Variants in L3MBTL4 observed in about 807,000 individuals in gnomAD.
L3MBTL4 encodes lethal(3)malignant brain tumor-like protein 4.
In L3MBTL4, 70 loss-of-function variants were observed where a neutral mutation model predicts 84.5. The observed-to-expected ratio is 0.83, with a 90% CI of 0.68 to 1.01. L3MBTL4 has a LOEUF of 1.01. Among genes scored for constraint, L3MBTL4 ranks in the 50% least tolerant of loss-of-function variants. The pLI is 0.00. For missense variants in L3MBTL4, 715 were observed against 754.8 expected, an observed-to-expected ratio of 0.95 and a Z score of 0.62; for synonymous variants, 274 against 259.8, an observed-to-expected ratio of 1.05 and a Z score of -0.52.
At chr18:6,331,911 T>A (rs555828868) in intron 1 of L3MBTL4, among the ~76,000 whole-genome samples, 1 of 151,020 alleles carries the variant, frequency 6.6e-6, no homozygotes, top group African/African-American at 2.4e-5. Flanking sequence ...TTAAGATAAC[T>A]TATATCCAAC....
chr18:6,243,350 T>A lies in L3MBTL4; in HGVS notation c.404A>T (p.Asp135Val). 1 of 1,606,672 alleles carries A rather than the reference T, an allele frequency of 6.2e-7. No homozygotes were observed. Among genetic ancestry groups the A allele is most frequent in the Non-Finnish European group, 8.5e-7 (1 of 1,176,682 alleles). ...TTCACACCATCCTACTGGATGAATG[T>A]CAGGGGAACCAGCATTGGTCCAAAA... ...YDFWTNAGSPDIHPVGWCEKT... is the reference protein window; with the variant it reads ...YDFWTNAGSPVIHPVGWCEKT... Residue 135 changes from aspartate (D) to valine (V), a missense_variant, in exon 7 of 19, where the codon GAC becomes GTC. Coordinates refer to ENST00000317931, the MANE Select transcript of L3MBTL4 (RefSeq NM_001330559.2).
intron 16 of L3MBTL4, among the ~76,000 whole-genome samples, chr18:5,978,388 T>G (rs140140377): frequency 1.3e-5 from 2 of 152,202 alleles, no homozygotes; most frequent in Admixed American, 1.3e-4. Flanking sequence ...TCTTTTAGTT[T>G]ATTATCTGCT....
chr18:6,380,963 T>C (rs6506382), intron 1 of L3MBTL4, among the ~76,000 whole-genome samples: 21,815 of 152,070 alleles, frequency 0.14, 2,021 homozygotes, highest in East Asian at 0.3. Flanking sequence ...AGTCTCTTCA[T>C]AGATCTCTAA....
At chr18:6,171,590 A>G (rs963752791) in intron 13 of L3MBTL4, among the ~76,000 whole-genome samples, 2 of 152,258 alleles carry the variant, frequency 1.3e-5, no homozygotes, top group Non-Finnish European at 2.9e-5. Flanking sequence ...GTAGAAAATA[A>G]AGATTCCTTT....
chr18:6,368,999 G>A (rs937693740), intron 1 of L3MBTL4, among the ~76,000 whole-genome samples: 1 of 150,398 alleles, frequency 6.6e-6, no homozygotes, highest in African/African-American at 2.4e-5. Flanking sequence ...CCGAGATCTC[G>A]CCACTGCACT....
At chr18:6,344,739 A>C (rs2052790153) in intron 1 of L3MBTL4, among the ~76,000 whole-genome samples, 1 of 152,198 alleles carries the variant, frequency 6.6e-6, no homozygotes. Flanking sequence ...TATCAAAATC[A>C]ATAAATGTCA....
intron 13 of L3MBTL4, among the ~76,000 whole-genome samples, chr18:6,139,518 T>C (rs1005452696): frequency 6.6e-6 from 1 of 151,468 alleles, no homozygotes; most frequent in Non-Finnish European, 1.5e-5. Context: ...CACATACACA[T>C]GTGCACACAC....
At chr18:6,248,694 A>G (rs952330918) in intron 5 of L3MBTL4, among the ~76,000 whole-genome samples, 6 of 152,158 alleles carry the variant, frequency 3.9e-5, no homozygotes, top group African/African-American at 1.4e-4. Context: ...AGCATACTAT[A>G]CATGCTCTTT....
intron 1 of L3MBTL4, among the ~76,000 whole-genome samples, chr18:6,347,656 C>A (rs575171349): frequency 1.3e-5 from 2 of 151,580 alleles, no homozygotes; most frequent in East Asian, 3.9e-4. Flanking sequence ...CAGAAATAGA[C>A]AAGAACCACC....
intron 1 of L3MBTL4, among the ~76,000 whole-genome samples, chr18:6,358,929 GA>G (rs2143955465): frequency 6.6e-6 from 1 of 152,306 alleles, no homozygotes; most frequent in East Asian, 1.9e-4. Context: ...TATTCCAGTG[GA>G]TAGCCCAGGT....
rs2095221730 is a variant in L3MBTL4 at position 5,955,457 on chromosome 18, C to T, written c.*763G>A. 6.6e-6 allele frequency: 1 copy of T among 152,232 alleles called. No homozygotes were observed. The highest frequency in any genetic ancestry group is 1.5e-5 in the Non-Finnish European group (1 of 68,108). The allele number at this position is 152,232 out of a possible 1,614,324, so 9.4% of individuals were successfully genotyped here. A position where few individuals can be genotyped will look rare whatever the true frequency, so the allele number is the denominator to read the frequency against. ...GTGAGCGTCTGGCCCAGCAGCCACACCAGTGTTAGGACAGGGTCCCCTGAG... is the reference window on the plus strand; with the variant it reads ...GTGAGCGTCTGGCCCAGCAGCCACATCAGTGTTAGGACAGGGTCCCCTGAG... On this transcript the variant is annotated 3_prime_UTR_variant, in exon 19 of 19. Coordinates refer to ENST00000317931, the MANE Select transcript of L3MBTL4 (RefSeq NM_001330559.2).
chr18:6,271,280 C>T (rs758899085), intron 4 of L3MBTL4, among the ~76,000 whole-genome samples: 35 of 152,152 alleles, frequency 2.3e-4, no homozygotes, highest in Middle Eastern at 3.4e-3. Context: ...GAGGTGATGG[C>T]GCGTTAACTA....
chr18:6,001,674 C>T (rs1301523574), intron 16 of L3MBTL4, among the ~76,000 whole-genome samples: 1 of 151,954 alleles, frequency 6.6e-6, no homozygotes, highest in East Asian at 1.9e-4. Flanking sequence ...TAGAGGGATA[C>T]TAAAGCAGAT....
chr18:6,361,955 A>G (rs1309331447), intron 1 of L3MBTL4, among the ~76,000 whole-genome samples: 1 of 151,774 alleles, frequency 6.6e-6, no homozygotes, highest in Non-Finnish European at 1.5e-5. Flanking sequence ...CATCCCTACT[A>G]AAAATTAGGC....
At chr18:6,041,863 T>C (rs143741694) in intron 16 of L3MBTL4, among the ~76,000 whole-genome samples, 124 of 152,198 alleles carry the variant, frequency 8.1e-4, no homozygotes, top group Non-Finnish European at 1.7e-3. Flanking sequence ...TAGCTGGGAC[T>C]ATAGGTGTGT....
In L3MBTL4 at chr18:6,289,327, A is replaced by G. The variant is rs183902689; in HGVS notation, c.127+12576T>C. On this transcript the variant is annotated intron_variant, in intron 4 of 18. Coordinates refer to ENST00000317931, the MANE Select transcript of L3MBTL4 (RefSeq NM_001330559.2). ...ATACAGGACCAGAGTCTAGTCCTCT[A>G]TATTTAAAACAACAAGGTTTTTTTG... Among the ~76,000 whole-genome samples the G allele has an allele frequency of 7.9e-5, 12 of 152,336 alleles. No homozygotes were observed. In the East Asian group the frequency reaches 2.3e-3, roughly 29 times the overall value.
At chr18:6,083,336 T>C (rs2058143209) in intron 15 of L3MBTL4, among the ~76,000 whole-genome samples, 1 of 152,026 alleles carries the variant, frequency 6.6e-6, no homozygotes, top group Non-Finnish European at 1.5e-5. Context: ...GACGGGGAAG[T>C]GTTTTGAGGA....
intron 16 of L3MBTL4, among the ~76,000 whole-genome samples, chr18:5,999,753 A>G (rs1002044904): frequency 2.0e-5 from 3 of 152,246 alleles, no homozygotes; most frequent in African/African-American, 7.2e-5. Flanking sequence ...GGGGAAGGGA[A>G]GAAAAGAAGG....
At chr18:6,322,087 T>C (rs1306424419) in intron 1 of L3MBTL4, among the ~76,000 whole-genome samples, 1 of 151,304 alleles carries the variant, frequency 6.6e-6, no homozygotes, top group Non-Finnish European at 1.5e-5. Context: ...ATGGGCATGG[T>C]GGCTCACATC....
Sources: gnomAD v4.1 joint callset for allele counts (sites outside exome capture counted in the v4.1 genomes callset) on GRCh38, gnomAD v4.1.1 for gene constraint, MANE v1.5 for transcripts, NCBI Gene and HGNC (gene_info 2026-07-23, HGNC 2026-07-21) for gene names.